UBE2O: variants seen among roughly 807,000 people sequenced by gnomAD.
UBE2O encodes the protein (E3-independent) E2 ubiquitin-conjugating enzyme.
Under a neutral mutation model 125.8 loss-of-function variants are expected in UBE2O, and 15 were observed. The observed-to-expected ratio is 0.12, with a 90% confidence interval of 0.08 to 0.18. UBE2O has a LOEUF of 0.18. UBE2O is among the 10% of genes least tolerant of loss of function. The pLI is 1.00. For synonymous variants in UBE2O, 708 were observed against 703.2 expected (o/e 1.01, Z -0.11); for missense variants, 1,280 against 1,723.6 (o/e 0.74, Z 4.56).
chr17:76,427,443 A>T (rs2072829969), intron 1 of UBE2O, among the ~76,000 whole-genome samples: 1 of 151,832 alleles, frequency 6.6e-6, no homozygotes, highest in Non-Finnish European at 1.5e-5. Flanking sequence ...TTCTATTATA[A>T]TCTCTTCTAT....
Position 76,400,052 on chromosome 17 carries a change from C to A in UBE2O, c.1155+95G>T, listed in dbSNP as rs747471107. 5.3e-5 allele frequency: 82 copies of A among 1,542,644 alleles called. No homozygotes were observed. Among genetic ancestry groups the A allele is most frequent in the Non-Finnish European group, 6.9e-5 (79 of 1,141,242 alleles). ...CGGCAAGGGTCATCAGGGCTGCCCC[C>A]CAAGGCCTAAAGCACAGACTGTCCT... On this transcript the variant is annotated intron_variant, in intron 8 of 17. Coordinates refer to ENST00000319380, the MANE Select transcript of UBE2O (RefSeq NM_022066.4). The surrounding 1 kb of genome is among the most constrained non-coding windows in gnomAD (Gnocchi z 4.3).
intron 13 of UBE2O, 76 bp downstream of exon 13, chr17:76,397,723 T>C (rs2072238691): frequency 2.1e-6 from 3 of 1,416,158 alleles, no homozygotes; most frequent in East Asian, 2.3e-5. Flanking sequence ...GCCCATCTTC[T>C]GGCTACACGC....
In UBE2O at chr17:76,391,072, G is replaced by C; in HGVS notation, c.3750C>G (p.Gly1250=). 6.2e-7 allele frequency: 1 copy of C among 1,614,160 alleles called. No individual in the cohort carries two copies. The highest frequency in any genetic ancestry group is 8.5e-7 in the Non-Finnish European group (1 of 1,180,046). Residue 1250 remains glycine, a synonymous_variant, in exon 18 of 18, where the codon GGC becomes GGG. Coordinates refer to ENST00000319380, the MANE Select transcript of UBE2O (RefSeq NM_022066.4). This position sits in a 1 kb window ranked among gnomAD's most constrained non-coding sequence, Gnocchi z 8.4. ...AGAGGGGGAAGCCGATGTCAGGGTA[G>C]CCACTCTTCTCAGGTAAGAAGCTCC... ...SYRSFLPEKS[G]YPDIGFPLFP...
chr17:76,400,158 T>C lies in UBE2O; in HGVS notation c.1144A>G (p.Met382Val), dbSNP rs577711435. The C allele has an allele frequency of 1.7e-5, 27 of 1,614,000 alleles. No individual in the cohort carries two copies. Among genetic ancestry groups the C allele is most frequent in the East Asian group, 4.5e-5 (2 of 44,882 alleles). The change falls in exon 8 of 18, where the codon ATG becomes GTG. Residue 382 changes from methionine (M) to valine (V), a missense_variant. Around this residue, in one of 10 missense-constraint regions of UBE2O, gnomAD observed 141 missense variants for 141.3 expected, o/e 1.00. Transcript: ENST00000319380. This position sits in a 1 kb window ranked among gnomAD's most constrained non-coding sequence, Gnocchi z 4.3. ...CCCCAAGGACATACCTTCTTGGCCA[T>C]AGAGCCCTCCCCCTGGGCGCAGTTT... is the stretch of plus-strand genomic sequence containing the variant. Reference protein sequence around the residue: ...EKNCAQGEGSMAKKVKRLLKK... With the variant: ...EKNCAQGEGSVAKKVKRLLKK...
rs543922641 is a variant in UBE2O, at chr17:76,389,734, G to T, written c.*1209C>A. The T allele has an allele frequency of 2.6e-5, 4 of 152,120 alleles. No homozygotes were observed. Among genetic ancestry groups the T allele is most frequent in the Admixed American group, 2.0e-4 (3 of 15,286 alleles). The allele number at this position is 152,120 out of a possible 1,614,324, so 9.4% of individuals were successfully genotyped here. On this transcript the variant is annotated 3_prime_UTR_variant, in exon 18 of 18. Coordinates refer to ENST00000319380, the MANE Select transcript of UBE2O (RefSeq NM_022066.4). ...CCTCCCGCAGCTCTGCTGGCTGGGCGGTCACAGCACAGCACAGGTGTGGAG... is the reference window on the plus strand; with the variant it reads ...CCTCCCGCAGCTCTGCTGGCTGGGCTGTCACAGCACAGCACAGGTGTGGAG...
At chr17:76,393,207 A>G (rs2072145173) in intron 15 of UBE2O, among the ~76,000 whole-genome samples, 1 of 151,654 alleles carries the variant, frequency 6.6e-6, no homozygotes, top group Admixed American at 6.6e-5. Context: ...GCAGTGAGCT[A>G]TGATCACACC....
intron 1 of UBE2O, among the ~76,000 whole-genome samples, chr17:76,421,642 G>A (rs2072713851): frequency 6.6e-6 from 1 of 152,214 alleles, no homozygotes; most frequent in African/African-American, 2.4e-5. Context: ...TAGGATTACA[G>A]GCGTGAGCCA....
chr17:76,446,411 A>C (rs1359077593), intron 1 of UBE2O, among the ~76,000 whole-genome samples: 1 of 152,192 alleles, frequency 6.6e-6, no homozygotes, highest in Non-Finnish European at 1.5e-5. Flanking sequence ...GTAGTAAAAA[A>C]TAGAAAAAGT....
intron 1 of UBE2O, among the ~76,000 whole-genome samples, chr17:76,416,019 GT>G (rs1256556012): frequency 6.7e-6 from 1 of 149,560 alleles, no homozygotes; most frequent in Non-Finnish European, 1.5e-5. Context: ...GTATACATAT[GT>G]ACACACACGT....
chr17:76,419,933 C>T (rs1340107675), intron 1 of UBE2O, among the ~76,000 whole-genome samples: 1 of 152,234 alleles, frequency 6.6e-6, no homozygotes, highest in African/African-American at 2.4e-5. Context: ...CATTCCTCGG[C>T]CATGGCCCTC....
chr17:76,448,092 C>T (rs916150154), intron 1 of UBE2O, among the ~76,000 whole-genome samples: 1 of 152,110 alleles, frequency 6.6e-6, no homozygotes, highest in Non-Finnish European at 1.5e-5. Context: ...TTTTGGCTTC[C>T]AATCACAGTA....
intron 1 of UBE2O, among the ~76,000 whole-genome samples, chr17:76,435,417 TACACACACACAC>T (rs59781051): frequency 1.9e-3 from 185 of 96,442 alleles, no homozygotes; most frequent in Middle Eastern, 9.9e-3. Context: ...CACACACACA[TACACACACACAC>T]ACACACACAC....
At chr17:76,431,381 T>TG (rs1429087755) in intron 1 of UBE2O, among the ~76,000 whole-genome samples, 1 of 152,230 alleles carries the variant, frequency 6.6e-6, no homozygotes, top group East Asian at 1.9e-4. Flanking sequence ...CTGGGCGTGC[T>TG]GGTGCACGCC....
chr17:76,415,282 G>A (rs982107683), intron 1 of UBE2O, among the ~76,000 whole-genome samples: 7 of 152,092 alleles, frequency 4.6e-5, no homozygotes, highest in African/African-American at 1.2e-4. Context: ...AGAACCCCAC[G>A]TGCACTGCCT....
intron 1 of UBE2O, among the ~76,000 whole-genome samples, chr17:76,420,700 G>A (rs1318112533): frequency 6.6e-6 from 1 of 152,174 alleles, no homozygotes; most frequent in Non-Finnish European, 1.5e-5. Context: ...AAAGGCATGG[G>A]AAGCCAAGGA....
At chr17:76,446,981 G>A (rs1292126190) in intron 1 of UBE2O, among the ~76,000 whole-genome samples, 1 of 152,184 alleles carries the variant, frequency 6.6e-6, no homozygotes, top group Non-Finnish European at 1.5e-5. Context: ...CCGCCAGTGC[G>A]AATGCAGTGT....
chr17:76,448,515 C>T (rs1249763637), intron 1 of UBE2O, among the ~76,000 whole-genome samples: 1 of 152,176 alleles, frequency 6.6e-6, no homozygotes, highest in Admixed American at 6.5e-5. Context: ...ATGTTTCACA[C>T]ACACAGCTTC....
chr17:76,399,390 G>A lies in UBE2O; in HGVS notation c.1628+59C>T, dbSNP rs367858837. The stretch of plus-strand genomic sequence containing the variant: ...GCGCAGGCACGCACACCGAGGGGAC[G>A]CGCACTCTGCCTGGCTTCACGCTGA... On this transcript the variant is annotated intron_variant, in intron 9 of 17. Coordinates refer to ENST00000319380, the MANE Select transcript of UBE2O (RefSeq NM_022066.4). The surrounding 1 kb of genome is among the most constrained non-coding windows in gnomAD (Gnocchi z 6.9). 95 of 1,519,556 alleles carry A rather than the reference G, an allele frequency of 6.3e-5. 1 individual carries two copies. The highest frequency in any genetic ancestry group is 4.0e-4 in the African/African-American group (29 of 73,272). The allele number at this position is 1,519,556 out of a possible 1,614,324, so 94.1% of individuals were successfully genotyped here.
rs891578816 is a variant in UBE2O, at chr17:76,404,982, C to A, written c.588+224G>T. ...ACTTAAAGATAACCACACTGGCAGC[C>A]TATGCTGGGGTTGGGGAAGGGCACG... is the stretch of plus-strand genomic sequence containing the variant. On this transcript the variant is annotated intron_variant, in intron 3 of 17. Coordinates refer to ENST00000319380, the MANE Select transcript of UBE2O (RefSeq NM_022066.4). This position sits in a 1 kb window ranked among gnomAD's most constrained non-coding sequence, Gnocchi z 4.3. Among the ~76,000 whole-genome samples, 1 of 152,106 alleles carries A rather than the reference C, an allele frequency of 6.6e-6. No homozygotes were observed. Among genetic ancestry groups the A allele is most frequent in the East Asian group, 1.9e-4 (1 of 5,196 alleles).
Sources: allele counts gnomAD v4.1 joint callset (sites outside exome capture counted in the v4.1 genomes callset), GRCh38; gene constraint gnomAD v4.1.1; regional missense constraint gnomAD v4.1.1; non-coding constraint Gnocchi (gnomAD v3.1); transcripts MANE v1.5; gene names NCBI Gene and HGNC (gene_info 2026-07-23, HGNC 2026-07-21).